Variants in GFPT1 observed in about 807,000 individuals in gnomAD.
The protein encoded by GFPT1 is glutamine--fructose-6-phosphate transaminase 1, also known as glutamine--fructose-6-phosphate aminotransferase [isomerizing] 1.
In GFPT1, 40 loss-of-function variants were observed where a neutral mutation model predicts 92.0. The observed-to-expected ratio is 0.43, with a 90% confidence interval of 0.34 to 0.57. The LOEUF is 0.57. Among genes scored for constraint, GFPT1 ranks in the 20% least tolerant of loss-of-function variants. The pLI, the probability that GFPT1 is intolerant of heterozygous loss-of-function variation, is 0.02. For synonymous variants in GFPT1, 269 were observed against 280.6 expected (o/e 0.96, Z 0.41); for missense variants, 448 against 869.1 (o/e 0.52, Z 6.09).
intron 15 of GFPT1, among the ~76,000 whole-genome samples, chr2:69,336,954 C>T (rs1670814171): frequency 6.6e-6 from 1 of 151,550 alleles, no homozygotes; most frequent in African/African-American, 2.4e-5. Flanking sequence ...ACCAGGCCTT[C>T]AAAACACAAG....
In GFPT1 at chr2:69,383,811, A is replaced by C. The variant is rs781341521; in HGVS notation, c.7+3254T>G. On this transcript the variant is annotated intron_variant, in intron 1 of 19. Transcript: ENST00000357308. ...CGGCTAATTTTTTTGGATTTTTAGTAGAGACAGGGTTTCACCATGTTGGTC... is the reference window on the plus strand; with the variant it reads ...CGGCTAATTTTTTTGGATTTTTAGTCGAGACAGGGTTTCACCATGTTGGTC... Among the ~76,000 whole-genome samples, 84 of 152,132 alleles carry C rather than the reference A, an allele frequency of 5.5e-4. 1 individual carries two copies. The highest frequency in any genetic ancestry group is 1.5e-4 in the Non-Finnish European group (10 of 68,020).
intron 1 of GFPT1, among the ~76,000 whole-genome samples, chr2:69,375,076 AAAG>A (rs1671840004): frequency 6.6e-6 from 1 of 152,244 alleles, no homozygotes; most frequent in African/African-American, 2.4e-5. Context: ...CGGGATAAGC[AAAG>A]AAGTAACAAA....
At chr2:69,341,220 T>A (rs895110254) in intron 13 of GFPT1, among the ~76,000 whole-genome samples, 3 of 152,042 alleles carry the variant, frequency 2.0e-5, no homozygotes, top group Admixed American at 1.3e-4. Context: ...CCCAAAGTGC[T>A]GGGATTACAG....
Position 69,338,482 on chromosome 2 carries a change from G to C in GFPT1, c.1287C>G (p.Val429=), listed in dbSNP as rs1386835959. The change falls in exon 14 of 20, where the codon GTC becomes GTG. Residue 429 remains valine (V), a synonymous_variant. Transcript: ENST00000357308. The part of the protein sequence containing the change: ...ASDFLDRNTP[V]FRDDVCFFLS... ...GGAAAAAGCAAACATCATCTCGAAAGACTGGTGTGTTTCTGTCCAGGAAGT... is the reference window on the plus strand; with the variant it reads ...GGAAAAAGCAAACATCATCTCGAAACACTGGTGTGTTTCTGTCCAGGAAGT... The C allele has an allele frequency of 6.2e-7, 1 of 1,612,996 alleles. No homozygotes were observed.
intron 1 of GFPT1, among the ~76,000 whole-genome samples, chr2:69,379,727 T>C (rs984000456): frequency 2.0e-5 from 3 of 151,858 alleles, no homozygotes; most frequent in African/African-American, 4.8e-5. Context: ...TACTTATTTA[T>C]TTTTAATTTT....
intron 15 of GFPT1, among the ~76,000 whole-genome samples, chr2:69,332,111 T>C (rs1670676783): frequency 6.6e-6 from 1 of 152,154 alleles, no homozygotes; most frequent in South Asian, 2.1e-4. Context: ...TTAATTTTAG[T>C]GCAAGTTGAA....
At chr2:69,383,517 A>T (rs1290299443) in intron 1 of GFPT1, among the ~76,000 whole-genome samples, 3 of 152,244 alleles carry the variant, frequency 2.0e-5, no homozygotes, top group African/African-American at 4.8e-5. Flanking sequence ...AATTACAAAA[A>T]ACTTTTGAAA....
At chr2:69,353,940 T>G (rs886106480) in intron 9 of GFPT1, among the ~76,000 whole-genome samples, 5 of 152,192 alleles carry the variant, frequency 3.3e-5, no homozygotes, top group African/African-American at 1.2e-4. Flanking sequence ...TATAATAACC[T>G]AGCACACAAT....
At chr2:69,347,341 G>A (rs768431739) in intron 11 of GFPT1, among the ~76,000 whole-genome samples, 56 of 151,844 alleles carry the variant, frequency 3.7e-4, no homozygotes, top group Non-Finnish European at 6.3e-4. Context: ...ATGAGCCACC[G>A]TGCCTGGCCA....
intron 8 of GFPT1, 46 bp from the exon 9 acceptor site, chr2:69,354,358 C>A: frequency 2.0e-6 from 3 of 1,489,460 alleles, no homozygotes; most frequent in South Asian, 1.1e-5. Flanking sequence ...AGAGAACTCA[C>A]AAAAACAAAT....
intron 12 of GFPT1, among the ~76,000 whole-genome samples, chr2:69,343,828 G>A (rs1167461125): frequency 6.6e-6 from 1 of 152,106 alleles, no homozygotes; most frequent in Non-Finnish European, 1.5e-5. Flanking sequence ...ATGAAAGAAG[G>A]TATGTTTCTC....
intron 8 of GFPT1, 66 bp downstream of exon 8, chr2:69,354,423 T>A (rs1671284184): frequency 6.2e-6 from 8 of 1,284,862 alleles, no homozygotes; most frequent in Non-Finnish European, 7.9e-6. Flanking sequence ...CAAAGAGCCA[T>A]CTATTCCAAC....
rs116559100 is a variant in GFPT1, at chr2:69,355,436, A to G, written c.606-868T>C. 6.1e-3 allele frequency among the ~76,000 whole-genome samples: 920 copies of G among 152,060 alleles called. 11 individuals carry two copies. Among genetic ancestry groups the G allele is most frequent in the African/African-American group, 0.02 (822 of 41,424 alleles). On this transcript the variant is annotated intron_variant, in intron 7 of 19. Transcript: ENST00000357308. Reference sequence around the variant, plus strand: ...TTCTTAATTGACAAATAAAAATTGTATTAAATACAGTTATTTTGGAACATA... The same window carrying G: ...TTCTTAATTGACAAATAAAAATTGTGTTAAATACAGTTATTTTGGAACATA...
chr2:69,335,755 T>C (rs1670778411), intron 15 of GFPT1, among the ~76,000 whole-genome samples: 1 of 152,212 alleles, frequency 6.6e-6, no homozygotes. Context: ...TCAAGAGTTT[T>C]TATGCCTGTA....
intron 15 of GFPT1, among the ~76,000 whole-genome samples, chr2:69,331,051 T>C (rs984747047): frequency 5.3e-5 from 8 of 152,206 alleles, no homozygotes; most frequent in African/African-American, 1.9e-4. Flanking sequence ...GAATTGTATG[T>C]ATTTCAAAAC....
At chr2:69,333,953 C>T (rs777027601) in intron 15 of GFPT1, among the ~76,000 whole-genome samples, 105 of 152,206 alleles carry the variant, frequency 6.9e-4, no homozygotes, top group Non-Finnish European at 1.3e-3. Context: ...GTCAGGAGTT[C>T]GAGACCAGAC....
chr2:69,329,886 T>C, intron 15 of GFPT1, 88 bp from the exon 16 acceptor site: 1 of 789,092 alleles, frequency 1.3e-6, no homozygotes. Flanking sequence ...GAAAATAAAA[T>C]TCCCATTGGT....
intron 1 of GFPT1, among the ~76,000 whole-genome samples, chr2:69,376,572 C>A (rs181013845): frequency 2.4e-4 from 36 of 151,896 alleles, no homozygotes; most frequent in African/African-American, 8.5e-4. Flanking sequence ...GTTCCCACCA[C>A]TGTGACTGCA....
chr2:69,358,048 G>A (rs1671382670), intron 6 of GFPT1, among the ~76,000 whole-genome samples: 1 of 152,128 alleles, frequency 6.6e-6, no homozygotes, highest in Non-Finnish European at 1.5e-5. Flanking sequence ...TGGTGCATAT[G>A]GATGTGTGCA....
Sources: allele counts gnomAD v4.1 joint callset (sites outside exome capture counted in the v4.1 genomes callset), GRCh38; gene constraint gnomAD v4.1.1; transcripts MANE v1.5; gene names NCBI Gene and HGNC (gene_info 2026-07-23, HGNC 2026-07-21).